Variants in AGPS observed in about 807,000 individuals in gnomAD.
The protein encoded by AGPS is alkylglycerone phosphate synthase, also known as alkyldihydroxyacetonephosphate synthase, peroxisomal.
A neutral mutation model predicts 90.7 loss-of-function variants in AGPS; 26 were observed. The ratio of observed to expected loss-of-function variants is 0.29; its 90% CI spans 0.21 to 0.40. The LOEUF (loss-of-function observed/expected upper bound fraction) is 0.40, where lower values mean the gene tolerates loss of function less well. Among genes scored for constraint, AGPS ranks in the 10% least tolerant of loss-of-function variants. The pLI is 1.00. For synonymous variants in AGPS, 294 were observed against 285.3 expected (o/e 1.03, Z -0.31); for missense variants, 540 against 816.1 (o/e 0.66, Z 4.12).
At chr2:177,407,503 G>A (rs951353551) in intron 1 of AGPS, among the ~76,000 whole-genome samples, 1 of 152,096 alleles carries the variant, frequency 6.6e-6, no homozygotes, top group Admixed American at 6.6e-5. Context: ...AAAAGCAGGA[G>A]CAAGAGTTGA....
intron 2 of AGPS, among the ~76,000 whole-genome samples, chr2:177,431,019 AC>A (rs1346100975): frequency 1.3e-5 from 2 of 152,136 alleles, no homozygotes; most frequent in Non-Finnish European, 2.9e-5. Context: ...TGTGGAACTC[AC>A]CCTGAGGCTA....
At chr2:177,482,633 G>A (rs928848812) in intron 11 of AGPS, among the ~76,000 whole-genome samples, 1 of 151,960 alleles carries the variant, frequency 6.6e-6, no homozygotes, top group Non-Finnish European at 1.5e-5. Flanking sequence ...TTAAATATAG[G>A]TAATTCAACT....
chr2:177,398,149 C>G (rs1162050428), intron 1 of AGPS, among the ~76,000 whole-genome samples: 1 of 152,228 alleles, frequency 6.6e-6, no homozygotes, highest in Non-Finnish European at 1.5e-5. Flanking sequence ...AGAGGGTATC[C>G]TGAAGCCTGT....
chr2:177,431,925 C>T (rs1448652572), intron 2 of AGPS, among the ~76,000 whole-genome samples: 1 of 152,172 alleles, frequency 6.6e-6, no homozygotes, highest in Non-Finnish European at 1.5e-5. Context: ...TAAAGGCAGG[C>T]ATAAGAAATT....
At chr2:177,397,391 A>G in intron 1 of AGPS, among the ~76,000 whole-genome samples, 1 of 151,454 alleles carries the variant, frequency 6.6e-6, no homozygotes, top group East Asian at 1.9e-4. Context: ...TCTAAGTGCA[A>G]TTTTAGATCC....
intron 11 of AGPS, among the ~76,000 whole-genome samples, chr2:177,487,121 G>A (rs181929461): frequency 4.6e-5 from 7 of 152,080 alleles, no homozygotes; most frequent in African/African-American, 1.7e-4. Context: ...TGGAAATAAC[G>A]ATGTCTTTAC....
At chr2:177,460,894 GAATA>G (rs1262828761) in intron 8 of AGPS, among the ~76,000 whole-genome samples, 6 of 152,284 alleles carry the variant, frequency 3.9e-5, no homozygotes, top group African/African-American at 1.4e-4. Flanking sequence ...AGCAAAATTA[GAATA>G]GATAGAGAAT....
rs556290406 is a variant in AGPS at position 177,506,664 on chromosome 2, C to T, written c.1545+1089C>T. 3.9e-5 allele frequency among the ~76,000 whole-genome samples: 6 copies of T among 151,950 alleles called. No homozygotes were observed. In the South Asian group the frequency reaches 1.2e-3, roughly 32 times the overall value. On this transcript the variant is annotated intron_variant, in intron 15 of 19. Coordinates refer to ENST00000264167, the MANE Select transcript of AGPS (RefSeq NM_003659.4). ...TATAGTCCTCCTCTTTTGTCCCCTGCCCCCACAGTGATGATGATAAGTAAA... is the reference window on the plus strand; with the variant it reads ...TATAGTCCTCCTCTTTTGTCCCCTGTCCCCACAGTGATGATGATAAGTAAA...
At position 177,493,155 on chromosome 2, in the gene AGPS, C is replaced by A; in HGVS notation, c.1241C>A (p.Ala414Asp). The change falls in exon 12 of 20, where the codon GCT (alanine) becomes GAT (aspartate). Residue 414 changes from alanine to aspartate, a missense_variant. Ala to Asp is a moderately radical substitution (Grantham distance 126, BLOSUM62 -2). This residue lies in a region of AGPS where 405 missense variants were observed against 692.1 expected (regional missense o/e 0.59). Coordinates refer to ENST00000264167, the MANE Select transcript of AGPS (RefSeq NM_003659.4). ...CLREIAKQRC[A>D]PASIRLMDNK... ...TTTTTCTTTTTAAAACAGAGATGTG[C>A]TCCGGCATCTATTCGCCTCATGGAC... 6.2e-7 allele frequency: 1 copy of A among 1,612,688 alleles called. No homozygotes were observed. Among genetic ancestry groups the A allele is most frequent in the Non-Finnish European group, 8.5e-7 (1 of 1,179,324 alleles).
intron 1 of AGPS, among the ~76,000 whole-genome samples, chr2:177,414,121 T>C (rs1470965769): frequency 6.6e-6 from 1 of 152,210 alleles, no homozygotes; most frequent in African/African-American, 2.4e-5. Flanking sequence ...TTACTTTTTC[T>C]TTCACTCATT....
At chr2:177,479,677 G>A (rs762825134) in intron 10 of AGPS, among the ~76,000 whole-genome samples, 21 of 152,218 alleles carry the variant, frequency 1.4e-4, no homozygotes, top group Admixed American at 1.2e-3. Flanking sequence ...CAGAAGGCCA[G>A]ATATTATGAG....
chr2:177,397,229 G>A (rs528071372), intron 1 of AGPS, among the ~76,000 whole-genome samples: 7 of 152,190 alleles, frequency 4.6e-5, no homozygotes, highest in African/African-American at 1.2e-4. Context: ...GAGCCACCAC[G>A]TCTGGCCGGC....
chr2:177,471,471 G>GA (rs1687623265), intron 10 of AGPS, among the ~76,000 whole-genome samples: 1 of 152,032 alleles, frequency 6.6e-6, no homozygotes. Context: ...TCAGTATAAT[G>GA]AAAAATGTAA....
At chr2:177,399,338 A>G (rs898389980) in intron 1 of AGPS, among the ~76,000 whole-genome samples, 21 of 152,148 alleles carry the variant, frequency 1.4e-4, no homozygotes, top group Admixed American at 1.3e-3. Context: ...ACTAGAGTCT[A>G]CCGTTGTAGC....
intron 1 of AGPS, among the ~76,000 whole-genome samples, chr2:177,411,333 T>C (rs1424996899): frequency 6.6e-6 from 1 of 152,182 alleles, no homozygotes; most frequent in Non-Finnish European, 1.5e-5. Context: ...GTGGTAGGAT[T>C]TTCTTTCTTT....
intron 17 of AGPS, among the ~76,000 whole-genome samples, chr2:177,515,462 C>A (rs1688995520): frequency 6.6e-6 from 1 of 151,824 alleles, no homozygotes; most frequent in African/African-American, 2.4e-5. Context: ...AGATTTTACC[C>A]TTCCCCCTTC....
In AGPS at chr2:177,443,058, T is replaced by C. The variant is rs185210809; in HGVS notation, c.789+572T>C. The stretch of plus-strand genomic sequence containing the variant: ...TCGTTATTAACATTTTGTCATACTT[T>C]CTTTATCTTTCTTTTTTTTCTAGTA... On this transcript the variant is annotated intron_variant, in intron 7 of 19. Transcript: ENST00000264167. 2.0e-5 allele frequency among the ~76,000 whole-genome samples: 3 copies of C among 152,272 alleles called. No homozygotes were observed. The East Asian group carries it at 5.8e-4, about 29-fold the overall frequency.
chr2:177,532,070 G>T (rs1037661580), intron 19 of AGPS, among the ~76,000 whole-genome samples: 2 of 152,026 alleles, frequency 1.3e-5, no homozygotes, highest in African/African-American at 4.8e-5. Flanking sequence ...GCCAGGCAAA[G>T]AATTCTTAGA....
chr2:177,541,501 G>A lies in AGPS; in HGVS notation c.*3306G>A, dbSNP rs1398480861. 6.6e-6 allele frequency: 1 copy of A among 152,124 alleles called. No individual in the cohort carries two copies. Among genetic ancestry groups the A allele is most frequent in the Non-Finnish European group, 1.5e-5 (1 of 68,006 alleles). 9.4% of individuals were successfully genotyped at this position (152,124 alleles called of 1,614,324 possible). A position where few individuals can be genotyped will look rare whatever the true frequency, so the allele number is the denominator to read the frequency against. On this transcript the variant is annotated 3_prime_UTR_variant, in exon 20 of 20. Coordinates refer to ENST00000264167, the MANE Select transcript of AGPS (RefSeq NM_003659.4). The stretch of plus-strand genomic sequence containing the variant: ...GATTGATTCACAAACTGCATGTGCT[G>A]GTGCTTGAGGCAGCCAAAATGGAAT...
Sources: gnomAD v4.1 joint callset for allele counts (sites outside exome capture counted in the v4.1 genomes callset) on GRCh38, gnomAD v4.1.1 for gene constraint, gnomAD v4.1.1 regional missense constraint, MANE v1.5 for transcripts, NCBI Gene and HGNC (gene_info 2026-07-23, HGNC 2026-07-21) for gene names.